LGI3: variants seen among roughly 807,000 people sequenced by gnomAD.
LGI3 encodes leucine rich repeat LGI family member 3.
A neutral mutation model predicts 55.4 loss-of-function variants in LGI3; 47 were observed. That is an observed-to-expected ratio of 0.85 (90% CI 0.67 to 1.08). The LOEUF (loss-of-function observed/expected upper bound fraction) is 1.08, where lower values mean the gene tolerates loss of function less well. LGI3 is among the 50% of genes least tolerant of loss of function. LGI3 has a pLI of 0.00. For synonymous variants in LGI3, 326 were observed against 315.0 expected, an observed-to-expected ratio of 1.04 and a Z score of -0.37; for missense variants, 664 against 726.3, an observed-to-expected ratio of 0.91 and a Z score of 0.99.
At position 22,155,480 on chromosome 8, in the gene LGI3, G is replaced by C; in HGVS notation, c.207-17C>G. On this transcript the variant is annotated splice_polypyrimidine_tract_variant and intron_variant, in intron 1 of 7. Coordinates refer to ENST00000306317, the MANE Select transcript of LGI3 (RefSeq NM_139278.4). ...ACCAGGGTCCTGCGGGGACACCCGA[G>C]TCAGTACTGTGGGGTCTGCAAGGGC... 1 of 1,611,334 alleles carries C rather than the reference G, an allele frequency of 6.2e-7. No individual in the cohort carries two copies. The highest frequency in any genetic ancestry group is 8.5e-7 in the Non-Finnish European group (1 of 1,177,992).
At chr8:22,150,838 T>C (rs1827368432) in intron 7 of LGI3, among the ~76,000 whole-genome samples, 1 of 151,760 alleles carries the variant, frequency 6.6e-6, no homozygotes, top group Non-Finnish European at 1.5e-5. Flanking sequence ...GATCACACAT[T>C]CTGCTTAAAC....
intron 7 of LGI3, among the ~76,000 whole-genome samples, chr8:22,150,941 C>CAAGCTGCTTAGTATGTGATT (rs1827369800): frequency 6.6e-6 from 1 of 152,046 alleles, no homozygotes; most frequent in South Asian, 2.1e-4. Context: ...GATTTGCACA[C>CAAGCTGCTTAGTATGTGATT]ATATACACAC....
In LGI3 at chr8:22,147,864, G is replaced by A; in HGVS notation, c.*296C>T. 5.2e-6 allele frequency: 2 copies of A among 385,130 alleles called. No individual in the cohort carries two copies. Among genetic ancestry groups the A allele is most frequent in the Non-Finnish European group, 9.4e-6 (2 of 212,816 alleles). The allele number at this position is 385,130 out of a possible 1,614,324, so 23.9% of individuals were successfully genotyped here. On this transcript the variant is annotated 3_prime_UTR_variant, in exon 8 of 8. Coordinates refer to ENST00000306317, the MANE Select transcript of LGI3 (RefSeq NM_139278.4). ...CCAGCACCCCGCACCACTCGTGCAT[G>A]AGACAGGGGGCAGAGCATGGGAAAG...
intron 2 of LGI3, 148 bp downstream of exon 2, chr8:22,155,244 G>T: frequency 1.3e-6 from 1 of 749,870 alleles, no homozygotes; most frequent in Non-Finnish European, 2.3e-6. Context: ...CGTCTTTTGG[G>T]TACATCCTAT....
chr8:22,156,227 CT>C (rs1308259596), intron 1 of LGI3, 109 bp downstream of exon 1: 12 of 1,217,754 alleles, frequency 9.9e-6, no homozygotes, highest in Non-Finnish European at 1.4e-5. Flanking sequence ...TGCAGTCCCC[CT>C]GGTCCCCGCA....
In LGI3 at chr8:22,148,293, A is replaced by T. The variant is rs773750131; in HGVS notation, c.1514T>A (p.Phe505Tyr). The T allele has an allele frequency of 6.2e-7, 1 of 1,614,148 alleles. No individual in the cohort carries two copies. The highest frequency in any genetic ancestry group is 8.5e-7 in the Non-Finnish European group (1 of 1,180,020). Reference protein sequence around the residue: ...WDEGRQKFVRFQELAVQAPRA... With the variant: ...WDEGRQKFVRYQELAVQAPRA... Reference sequence around the variant, plus strand: ...AGGAGCCTGCACAGCCAGCTCCTGGAACCGTACAAACTTCTGTCGTCCCTC... The same window carrying T: ...AGGAGCCTGCACAGCCAGCTCCTGGTACCGTACAAACTTCTGTCGTCCCTC... The change falls in exon 8 of 8, where the codon TTC (phenylalanine) becomes TAC (tyrosine). Residue 505 changes from phenylalanine to tyrosine, a missense_variant. Physicochemically the swap from Phe to Tyr is conservative, Grantham distance 22 (BLOSUM62 3). Coordinates refer to ENST00000306317, the MANE Select transcript of LGI3 (RefSeq NM_139278.4). This position sits in a 1 kb window ranked among gnomAD's most constrained non-coding sequence, Gnocchi z 7.0.
rs35142808 is a variant in LGI3, at chr8:22,151,540, G to T, written c.778C>A (p.Leu260Met). 6.2e-7 allele frequency: 1 copy of T among 1,614,102 alleles called. No individual in the cohort carries two copies. The highest frequency in any genetic ancestry group is 8.5e-7 in the Non-Finnish European group (1 of 1,180,022). The change falls in exon 7 of 8, where the codon CTG (leucine) becomes ATG (methionine). Residue 260 changes from leucine (L) to methionine (M), a missense_variant. Coordinates refer to ENST00000306317, the MANE Select transcript of LGI3 (RefSeq NM_139278.4). Reference sequence around the variant, plus strand: ...TGCCGCTCAACATAGTCCCACTTCAGGATGGTGCAGGCACTGACTCCTGGC... The same window carrying T: ...TGCCGCTCAACATAGTCCCACTTCATGATGGTGCAGGCACTGACTCCTGGC... ...AQPGVSACTI[L>M]KWDYVERQLR...
At chr8:22,150,688 C>T (rs1238978048) in intron 7 of LGI3, among the ~76,000 whole-genome samples, 1 of 152,052 alleles carries the variant, frequency 6.6e-6, no homozygotes, top group Non-Finnish European at 1.5e-5. Context: ...TATCTCCCTC[C>T]ATCCCCACTG....
chr8:22,149,012 GC>G (rs1563208278), intron 7 of LGI3, 35 bp from the exon 8 acceptor site: 3 of 1,514,408 alleles, frequency 2.0e-6, no homozygotes, highest in Non-Finnish European at 1.8e-6. Flanking sequence ...CATCAGGCAG[GC>G]CGGCGGCTCC....
Position 22,148,160 on chromosome 8 carries a change from CT to C in LGI3, c.1646del (p.Ter549TrpfsTer75), listed in dbSNP as rs1325256069. On this transcript the variant is annotated frameshift_variant and stop_lost, in exon 8 of 8. Coordinates refer to ENST00000306317, the MANE Select transcript of LGI3 (RefSeq NM_139278.4). LOFTEE classifies it high-confidence loss of function. The surrounding 1 kb of genome is among the most constrained non-coding windows in gnomAD (Gnocchi z 7.0). ...AGGAGACCAGAGGCCTCGGCACCCC[CT>C]AGGCACTGAGATCCACCACAATGTG... is the stretch of plus-strand genomic sequence containing the variant. Reference protein sequence around the residue: ...YRHIVVDLSA* With the variant: ...YRHIVVDLSAX 6.3e-7 allele frequency: 1 copy of C among 1,589,474 alleles called. No individual in the cohort carries two copies. The highest frequency in any genetic ancestry group is 8.6e-7 in the Non-Finnish European group (1 of 1,168,490).
Position 22,151,560 on chromosome 8 carries a change from C to A in LGI3, c.758G>T (p.Gly253Val). The part of the protein sequence containing the change: ...SDLYLALAQP[G>V]VSACTILKWD... ...CTTCAGGATGGTGCAGGCACTGACTCCTGGCTGGGCCAGAGCCAAATAGAG... is the reference window on the plus strand; with the variant it reads ...CTTCAGGATGGTGCAGGCACTGACTACTGGCTGGGCCAGAGCCAAATAGAG... The change falls in exon 7 of 8, where the codon GGA becomes GTA. Residue 253 changes from glycine to valine, a missense_variant. Physicochemically the swap from Gly to Val is moderately radical, Grantham distance 109. Coordinates refer to ENST00000306317, the MANE Select transcript of LGI3 (RefSeq NM_139278.4). 2 of 1,614,136 alleles carry A rather than the reference C, an allele frequency of 1.2e-6. No individual in the cohort carries two copies. The highest frequency in any genetic ancestry group is 1.7e-6 in the Non-Finnish European group (2 of 1,180,028).
Position 22,156,752 on chromosome 8 carries a change from G to T in LGI3, c.-210C>A. 5.3e-6 allele frequency: 1 copy of T among 189,856 alleles called. No individual in the cohort carries two copies. Among genetic ancestry groups the T allele is most frequent in the South Asian group, 1.7e-4 (1 of 5,740 alleles). The allele number at this position is 189,856 out of a possible 1,614,324, so 11.8% of individuals were successfully genotyped here. On this transcript the variant is annotated 5_prime_UTR_variant, in exon 1 of 8. Coordinates refer to ENST00000306317, the MANE Select transcript of LGI3 (RefSeq NM_139278.4). ...GCGATCCGGCTCGGGAGAGAAGAGC[G>T]GAGCGCGGAGCTGGAGCCGCAGCCG... is the stretch of plus-strand genomic sequence containing the variant.
intron 1 of LGI3, among the ~76,000 whole-genome samples, chr8:22,155,769 G>A (rs959469828): frequency 3.3e-5 from 5 of 152,236 alleles, no homozygotes; most frequent in Admixed American, 6.5e-5. Context: ...AATGGGCTGG[G>A]TGCTGTTGAG....
chr8:22,154,093 C>T, intron 4 of LGI3, 49 bp downstream of exon 4: 3 of 1,611,160 alleles, frequency 1.9e-6, no homozygotes, highest in Non-Finnish European at 1.7e-6. Flanking sequence ...CCAAAGGCCA[C>T]AGGAGAGGTG....
rs1369855172 is a variant in LGI3, at chr8:22,147,280, G to A, written c.*880C>T. Reference sequence around the variant, plus strand: ...AAGGCAGAAAGGCTTTCAGATGAGGGGAGGTCTTCTGTCCATGGGTGAGCT... The same window carrying A: ...AAGGCAGAAAGGCTTTCAGATGAGGAGAGGTCTTCTGTCCATGGGTGAGCT... On this transcript the variant is annotated 3_prime_UTR_variant, in exon 8 of 8. Transcript: ENST00000306317. 1 of 152,356 alleles carries A rather than the reference G, an allele frequency of 6.6e-6. No homozygotes were observed. Among genetic ancestry groups the A allele is most frequent in the Non-Finnish European group, 1.5e-5 (1 of 68,154 alleles). 9.4% of individuals were successfully genotyped at this position (152,356 alleles called of 1,614,324 possible). A position where few individuals can be genotyped will look rare whatever the true frequency, so the allele number is the denominator to read the frequency against.
intron 3 of LGI3, 117 bp downstream of exon 3, chr8:22,154,443 C>T: frequency 1.0e-6 from 1 of 957,438 alleles, no homozygotes; most frequent in Non-Finnish European, 1.7e-6. Context: ...GCTCTCGCCT[C>T]CCATCACCTT....
intron 5 of LGI3, among the ~76,000 whole-genome samples, chr8:22,152,687 G>A (rs1171596280): frequency 6.7e-6 from 1 of 149,460 alleles, no homozygotes; most frequent in Admixed American, 6.7e-5. Flanking sequence ...GTTGCAGTGA[G>A]CGGAGATCAC....
In LGI3 at chr8:22,156,368, G is replaced by A; in HGVS notation, c.175C>T (p.Pro59Ser). 6.2e-7 allele frequency: 1 copy of A among 1,607,762 alleles called. No individual in the cohort carries two copies. The highest frequency in any genetic ancestry group is 8.5e-7 in the Non-Finnish European group (1 of 1,177,902). ...ATGACCTCCGAGGGCAGGTTCCTGG[G>A]CACCGCCTTTGAGTCCACGCAGAAG... ...TAFCVDSKAVPRNLPSEVISL... is the reference protein window; with the variant it reads ...TAFCVDSKAVSRNLPSEVISL... Residue 59 changes from proline to serine, a missense_variant, in exon 1 of 8, where the codon CCC becomes TCC. Coordinates refer to ENST00000306317, the MANE Select transcript of LGI3 (RefSeq NM_139278.4).
intron 2 of LGI3, chr8:22,154,865 C>T: frequency 1.8e-6 from 1 of 550,754 alleles, no homozygotes; most frequent in Non-Finnish European, 3.3e-6. Context: ...AGGCAGAGCT[C>T]TCTTGTCAAG....
Sources: allele counts gnomAD v4.1 joint callset (sites outside exome capture counted in the v4.1 genomes callset), GRCh38; gene constraint gnomAD v4.1.1; non-coding constraint Gnocchi (gnomAD v3.1); transcripts MANE v1.5; gene names NCBI Gene and HGNC (gene_info 2026-07-23, HGNC 2026-07-21).